Variants in NXPH1 observed in about 807,000 individuals in gnomAD.
NXPH1 encodes neurexophilin 1, also known as neurexophilin-1.
A neutral mutation model predicts 23.7 loss-of-function variants in NXPH1; 5 were observed. The observed-to-expected ratio is 0.21, with a 90% CI of 0.11 to 0.44. NXPH1 has a LOEUF of 0.44. Ranked by LOEUF, NXPH1 falls within the 20% of genes least tolerant of loss-of-function variation. The pLI is 0.99. For missense variants in NXPH1, 324 were observed against 321.6 expected (o/e 1.01, Z -0.06); for synonymous variants, 144 against 122.2 (o/e 1.18, Z -1.18).
At chr7:8,739,548 G>A (rs1780325927) in intron 2 of NXPH1, among the ~76,000 whole-genome samples, 1 of 152,110 alleles carries the variant, frequency 6.6e-6, no homozygotes, top group African/African-American at 2.4e-5. Context: ...CCCGCCTTTT[G>A]CATTGATCTT....
At chr7:8,601,684 A>G (rs1029143728) in intron 2 of NXPH1, among the ~76,000 whole-genome samples, 10 of 152,184 alleles carry the variant, frequency 6.6e-5, no homozygotes, top group Admixed American at 5.9e-4. Context: ...TCAGGACCCA[A>G]TTCCCTAAAA....
chr7:8,639,004 CAT>C (rs150918661), intron 2 of NXPH1, among the ~76,000 whole-genome samples: 6,983 of 152,062 alleles, frequency 0.046, 355 homozygotes, highest in East Asian at 0.17. Flanking sequence ...TTTAATGAAA[CAT>C]ATATTGAAAC....
At chr7:8,570,903 G>A (rs1818630459) in intron 2 of NXPH1, among the ~76,000 whole-genome samples, 1 of 151,796 alleles carries the variant, frequency 6.6e-6, no homozygotes, top group African/African-American at 2.4e-5. Context: ...TAGCAGTATT[G>A]TGATGAATTG....
intron 2 of NXPH1, among the ~76,000 whole-genome samples, chr7:8,620,044 C>T (rs1300033663): frequency 6.6e-6 from 1 of 152,162 alleles, no homozygotes; most frequent in Non-Finnish European, 1.5e-5. Context: ...TGTTGAGATA[C>T]TGACTCTCTC....
intron 2 of NXPH1, among the ~76,000 whole-genome samples, chr7:8,694,231 T>G (rs1030635766): frequency 1.3e-5 from 2 of 152,156 alleles, no homozygotes; most frequent in African/African-American, 2.4e-5. Context: ...AATCCACTCT[T>G]TCCTAAGTGC....
chr7:8,737,003 C>T (rs1013346195), intron 2 of NXPH1, among the ~76,000 whole-genome samples: 15 of 151,482 alleles, frequency 9.9e-5, no homozygotes, highest in Non-Finnish European at 1.5e-4. Flanking sequence ...TCCTCTATCC[C>T]TTTATTTTGA....
chr7:8,574,736 C>T (rs947276102), intron 2 of NXPH1, among the ~76,000 whole-genome samples: 1 of 152,106 alleles, frequency 6.6e-6, no homozygotes, highest in East Asian at 1.9e-4. Context: ...TGGATTCCGT[C>T]TCCTGCTGTC....
intron 2 of NXPH1, among the ~76,000 whole-genome samples, chr7:8,578,448 A>G (rs1818795716): frequency 6.6e-6 from 1 of 152,220 alleles, no homozygotes; most frequent in East Asian, 1.9e-4. Context: ...GACAGTTACA[A>G]TTCGAGCTTT....
intron 2 of NXPH1, among the ~76,000 whole-genome samples, chr7:8,714,983 T>C (rs915023915): frequency 7.2e-5 from 11 of 152,142 alleles, no homozygotes; most frequent in Non-Finnish European, 1.6e-4. Flanking sequence ...CCTAAGTTCA[T>C]TGGCTCTGAG....
intron 2 of NXPH1, among the ~76,000 whole-genome samples, chr7:8,482,011 T>G (rs1266512428): frequency 6.6e-6 from 1 of 152,190 alleles, no homozygotes; most frequent in Non-Finnish European, 1.5e-5. Flanking sequence ...TGCCTTTTTA[T>G]GGAGCTTCCT....
At chr7:8,650,329 A>T (rs1438683663) in intron 2 of NXPH1, among the ~76,000 whole-genome samples, 1 of 152,242 alleles carries the variant, frequency 6.6e-6, no homozygotes, top group Non-Finnish European at 1.5e-5. Context: ...ATATTCATCT[A>T]CATAGAAGAA....
intron 2 of NXPH1, among the ~76,000 whole-genome samples, chr7:8,505,856 A>T (rs932665788): frequency 1.3e-5 from 2 of 152,128 alleles, no homozygotes; most frequent in Admixed American, 1.3e-4. Context: ...TTTGTTGTGC[A>T]TAAAAACCAC....
At chr7:8,740,903 A>G (rs1458853375) in intron 2 of NXPH1, among the ~76,000 whole-genome samples, 1 of 152,178 alleles carries the variant, frequency 6.6e-6, no homozygotes, top group African/African-American at 2.4e-5. Flanking sequence ...GTGTGTGTGT[A>G]TGTAGTGAGA....
chr7:8,451,609 A>G (rs1446939591), intron 2 of NXPH1, among the ~76,000 whole-genome samples: 1 of 152,246 alleles, frequency 6.6e-6, no homozygotes, highest in Non-Finnish European at 1.5e-5. Flanking sequence ...CTGAGTAGGT[A>G]TGTGACAATT....
chr7:8,726,507 C>A (rs1424070937), intron 2 of NXPH1, among the ~76,000 whole-genome samples: 2 of 130,982 alleles, frequency 1.5e-5, no homozygotes, highest in East Asian at 4.7e-4. Context: ...CACAACAGTC[C>A]CCAGAGTGTG....
At chr7:8,457,058 T>C (rs971604337) in intron 2 of NXPH1, among the ~76,000 whole-genome samples, 2 of 152,192 alleles carry the variant, frequency 1.3e-5, no homozygotes, top group South Asian at 2.1e-4. Context: ...TTATGCTTGA[T>C]ACGAGGGTTT....
In NXPH1 at chr7:8,442,493, G is replaced by C. The variant is rs1489338346; in HGVS notation, c.54+6726G>C. On this transcript the variant is annotated intron_variant, in intron 2 of 2. Transcript: ENST00000405863. The surrounding 1 kb of genome is among the most constrained non-coding windows in gnomAD (Gnocchi z 4.6). ...GCGCGTCCTCGCCACACCGGAAGGA[G>C]AGGGCATCCGGCTCACACATCCCAC... 2.0e-5 allele frequency among the ~76,000 whole-genome samples: 3 copies of C among 152,226 alleles called. No individual in the cohort carries two copies. The highest frequency in any genetic ancestry group is 2.9e-5 in the Non-Finnish European group (2 of 68,038).
intron 2 of NXPH1, among the ~76,000 whole-genome samples, chr7:8,540,024 GGTTTT>G (rs975780876): frequency 6.6e-6 from 1 of 151,660 alleles, no homozygotes; most frequent in African/African-American, 2.4e-5. Context: ...CTCATTTAGT[GGTTTT>G]GTTGTATACT....
At chr7:8,731,737 T>C (rs1004394260) in intron 2 of NXPH1, among the ~76,000 whole-genome samples, 6 of 152,260 alleles carry the variant, frequency 3.9e-5, no homozygotes, top group African/African-American at 1.4e-4. Context: ...ACCACTGCTC[T>C]CTTCAAAGCT....
Sources: allele counts gnomAD v4.1 joint callset (sites outside exome capture counted in the v4.1 genomes callset), GRCh38; gene constraint gnomAD v4.1.1; non-coding constraint Gnocchi (gnomAD v3.1); transcripts MANE v1.5; gene names NCBI Gene and HGNC (gene_info 2026-07-23, HGNC 2026-07-21).